CD96: variants seen among roughly 807,000 people sequenced by gnomAD.
The protein encoded by CD96 is CD96 molecule, also known as T-cell surface protein tactile.
Under a neutral mutation model 71.3 loss-of-function variants are expected in CD96, and 70 were observed. The ratio of observed to expected loss-of-function variants is 0.98; its 90% CI spans 0.81 to 1.20. The LOEUF (loss-of-function observed/expected upper bound fraction) is 1.20. Ranked by LOEUF, CD96 falls within the 50% of genes most tolerant of loss-of-function variation. The probability of loss-of-function intolerance (pLI) is 0.00; values close to 1 mark genes in which losing one functional copy is unlikely to be tolerated. For synonymous variants in CD96, 248 were observed against 233.0 expected, an observed-to-expected ratio of 1.06 and a Z score of -0.59; for missense variants, 742 against 677.5, an observed-to-expected ratio of 1.10 and a Z score of -1.06.
intron 5 of CD96, chr3:111,593,586 T>A: frequency 6.5e-7 from 1 of 1,545,536 alleles, no homozygotes; most frequent in Non-Finnish European, 8.7e-7. Context: ...GGCAGCTCTT[T>A]CTCCCGCTGG....
intron 8 of CD96, chr3:111,607,209 G>A: frequency 4.7e-6 from 1 of 212,954 alleles, no homozygotes; most frequent in Non-Finnish European, 9.5e-6. Context: ...TTATTAAATA[G>A]GTTAATAAAT....
chr3:111,633,933 C>T (rs1939199210), intron 10 of CD96: 1 of 152,574 alleles, frequency 6.6e-6, no homozygotes, highest in South Asian at 2.1e-4. Flanking sequence ...TATTGAATAG[C>T]TAAGAAGTTG....
intron 3 of CD96, among the ~76,000 whole-genome samples, chr3:111,568,871 C>A (rs1329193945): frequency 6.6e-6 from 1 of 151,944 alleles, no homozygotes; most frequent in African/African-American, 2.4e-5. Flanking sequence ...AAACAAATGA[C>A]AACAAAGAGA....
intron 10 of CD96, among the ~76,000 whole-genome samples, chr3:111,627,671 GC>G (rs1195864918): frequency 6.6e-6 from 1 of 152,218 alleles, no homozygotes; most frequent in Non-Finnish European, 1.5e-5. Flanking sequence ...GCATCTTTAA[GC>G]AGGTCCCTGA....
intron 5 of CD96, chr3:111,593,696 C>T: frequency 6.2e-7 from 1 of 1,613,832 alleles, no homozygotes; most frequent in Non-Finnish European, 8.5e-7. Flanking sequence ...CCTCTCCCGC[C>T]ATTCCACTGC....
At position 111,600,839 on chromosome 3, in the gene CD96, T is replaced by A. The variant is rs761485339; in HGVS notation, c.1012T>A (p.Trp338Arg). 6.2e-7 allele frequency: 1 copy of A among 1,613,088 alleles called. No homozygotes were observed. The part of the protein sequence containing the change: ...KPAQSDNLTI[W>R]CMALSPVPGN... ...AGCCCAATCAGACAACTTGACCATT[T>A]GGTGTATGGCTCTGTCTCCAGTCCC... Residue 338 changes from tryptophan (W) to arginine (R), a missense_variant, in exon 7 of 14, where the codon TGG becomes AGG. Transcript: ENST00000352690.
chr3:111,559,021 G>A (rs1935235617), intron 2 of CD96, among the ~76,000 whole-genome samples: 1 of 152,128 alleles, frequency 6.6e-6, no homozygotes, highest in Non-Finnish European at 1.5e-5. Flanking sequence ...TTCTCTGATG[G>A]TAGTTTGTAT....
intron 2 of CD96, among the ~76,000 whole-genome samples, chr3:111,550,900 C>T (rs1934668799): frequency 6.6e-6 from 1 of 152,162 alleles, no homozygotes; most frequent in Admixed American, 6.5e-5. Flanking sequence ...CAGTGATTGG[C>T]TGCTTGAGTC....
At chr3:111,552,151 T>A (rs1934745108) in intron 2 of CD96, among the ~76,000 whole-genome samples, 1 of 152,198 alleles carries the variant, frequency 6.6e-6, no homozygotes, top group Admixed American at 6.5e-5. Context: ...TTTGTTTTTT[T>A]TCTTGTAAAT....
chr3:111,604,073 A>G (rs1443351919), intron 7 of CD96, among the ~76,000 whole-genome samples: 1 of 152,202 alleles, frequency 6.6e-6, no homozygotes, highest in Non-Finnish European at 1.5e-5. Context: ...CTGCTTGTCT[A>G]TGGACAACAT....
At chr3:111,661,720 C>T (rs551682199) in intron 14 of CD96, among the ~76,000 whole-genome samples, 1 of 152,340 alleles carries the variant, frequency 6.6e-6, no homozygotes, top group Non-Finnish European at 1.5e-5. Context: ...GGTGGGCTCC[C>T]AAGGCCTTGG....
intron 4 of CD96, among the ~76,000 whole-genome samples, chr3:111,582,140 C>T (rs1353828249): frequency 6.6e-6 from 1 of 152,168 alleles, no homozygotes; most frequent in African/African-American, 2.4e-5. Context: ...TAAGTATACT[C>T]CCATAATCTC....
intron 3 of CD96, among the ~76,000 whole-genome samples, chr3:111,576,842 C>T (rs991880956): frequency 1.3e-5 from 2 of 152,230 alleles, no homozygotes; most frequent in Admixed American, 1.3e-4. Flanking sequence ...TCGTTGTTTG[C>T]CTGTGCTAAT....
intron 14 of CD96, among the ~76,000 whole-genome samples, chr3:111,662,044 A>C (rs1360666746): frequency 1.3e-5 from 2 of 152,210 alleles, no homozygotes; most frequent in Non-Finnish European, 2.9e-5. Context: ...AAATCTAGGG[A>C]GAGGTTCTCA....
At chr3:111,577,341 G>A (rs115402397) in intron 3 of CD96, among the ~76,000 whole-genome samples, 7 of 152,120 alleles carry the variant, frequency 4.6e-5, no homozygotes. Context: ...ATCTGCAGGG[G>A]GTACCTGCCT....
intron 5 of CD96, among the ~76,000 whole-genome samples, chr3:111,588,887 A>G (rs1936837149): frequency 2.0e-5 from 3 of 151,968 alleles, no homozygotes; most frequent in Non-Finnish European, 2.9e-5. Context: ...CTTCATTTCA[A>G]TAGTTTACAT....
chr3:111,550,721 G>T (rs778789436), intron 2 of CD96, among the ~76,000 whole-genome samples: 34 of 152,122 alleles, frequency 2.2e-4, no homozygotes, highest in Non-Finnish European at 4.7e-4. Context: ...CTAGAGAGAG[G>T]AAGGAAGCTT....
rs74811007 is a variant in CD96 at position 111,578,288 on chromosome 3, C to T, written c.544-739C>T. Reference sequence around the variant, plus strand: ...AATAATAGGGCTTTTCATCACAGACCGAAGAAAGGATACGGGATAGAAGAA... The same window carrying T: ...AATAATAGGGCTTTTCATCACAGACTGAAGAAAGGATACGGGATAGAAGAA... On this transcript the variant is annotated intron_variant, in intron 3 of 13. Coordinates refer to ENST00000352690, the MANE Select transcript of CD96 (RefSeq NM_005816.5). Among the ~76,000 whole-genome samples the T allele has an allele frequency of 6.0e-3, 910 of 152,160 alleles. 7 individuals are homozygous for T. The highest frequency in any genetic ancestry group is 0.02 in the African/African-American group (813 of 41,482).
intron 10 of CD96, among the ~76,000 whole-genome samples, chr3:111,625,673 T>C (rs1411502440): frequency 6.6e-6 from 1 of 152,092 alleles, no homozygotes; most frequent in African/African-American, 2.4e-5. Context: ...AAACATGGAA[T>C]AAAATAAATG....
Sources: allele counts gnomAD v4.1 joint callset (sites outside exome capture counted in the v4.1 genomes callset), GRCh38; gene constraint gnomAD v4.1.1; transcripts MANE v1.5; gene names NCBI Gene and HGNC (gene_info 2026-07-23, HGNC 2026-07-21).